NCAM1: variants seen among roughly 807,000 people sequenced by gnomAD.
NCAM1 encodes antigen recognized by monoclonal antibody 5.1H11.
A neutral mutation model predicts 109.8 loss-of-function variants in NCAM1; 14 were observed. The ratio of observed to expected loss-of-function variants is 0.13; its 90% confidence interval spans 0.08 to 0.20. The LOEUF is 0.20. Ranked by LOEUF, NCAM1 falls within the 10% of genes least tolerant of loss-of-function variation. The pLI is 1.00. For synonymous variants in NCAM1, 418 were observed against 442.9 expected (o/e 0.94, Z 0.70); for missense variants, 774 against 1,109.9 (o/e 0.70, Z 4.30).
Position 113,240,880 on chromosome 11 carries a change from C to T in NCAM1, c.1826-5488C>T, listed in dbSNP as rs782210223. The T allele has an allele frequency of 7.7e-6, 12 of 1,566,738 alleles. No individual in the cohort carries two copies. The African/African-American group carries it at 1.5e-4, about 19-fold the overall frequency. ...CATCTCTCTGCAGGTCACTTTCCAC[C>T]AGCCACAGTTTGTTTTGCCTAATGT... On this transcript the variant is annotated intron_variant, in intron 14 of 19. Transcript: ENST00000316851.
At chr11:113,243,604 TG>T (rs782687570) in intron 14 of NCAM1, 1 of 518,790 alleles carries the variant, frequency 1.9e-6, no homozygotes, top group South Asian at 1.4e-5. Context: ...GTCTTCATAA[TG>T]CTCTAATGAA....
intron 14 of NCAM1, chr11:113,240,957 G>A (rs1945307766): frequency 3.0e-6 from 3 of 987,228 alleles, no homozygotes; most frequent in African/African-American, 3.2e-5. Flanking sequence ...AGCAGCGTCG[G>A]GTTTTAGAGG....
intron 1 of NCAM1, among the ~76,000 whole-genome samples, chr11:113,139,817 A>G (rs1043778933): frequency 3.9e-5 from 6 of 152,222 alleles, no homozygotes; most frequent in African/African-American, 1.4e-4. Context: ...AATTATTTGG[A>G]AAATTGATAG....
rs541049098 is a variant in NCAM1, at chr11:113,122,152, T to C, written c.53-80227T>C. ...CTTGCCTTCAGATCCCATCCCCTCCTGTTCAATCTCTAGGTCCTTTTGCAG... is the reference window on the plus strand; with the variant it reads ...CTTGCCTTCAGATCCCATCCCCTCCCGTTCAATCTCTAGGTCCTTTTGCAG... On this transcript the variant is annotated intron_variant, in intron 1 of 19. Coordinates refer to ENST00000316851, the MANE Select transcript of NCAM1 (RefSeq NM_181351.5). Among the ~76,000 whole-genome samples, 382 of 152,338 alleles carry C rather than the reference T, an allele frequency of 2.5e-3. 1 individual carries two copies. The highest frequency in any genetic ancestry group is 3.5e-3 in the Admixed American group (54 of 15,312).
chr11:113,136,324 T>C (rs781967372), intron 1 of NCAM1, among the ~76,000 whole-genome samples: 1 of 152,162 alleles, frequency 6.6e-6, no homozygotes, highest in Non-Finnish European at 1.5e-5. Context: ...TTGGGAATTA[T>C]AAATGAGTTA....
chr11:113,208,190 G>A (rs543789338), intron 7 of NCAM1, among the ~76,000 whole-genome samples, 188 bp downstream of exon 7: 2 of 152,078 alleles, frequency 1.3e-5, no homozygotes, highest in East Asian at 3.9e-4. Flanking sequence ...GCAGTGGGAC[G>A]GTCTCATAGC....
At chr11:113,263,259 T>C (rs1591470589) in intron 17 of NCAM1, 2 of 1,042,346 alleles carry the variant, frequency 1.9e-6, no homozygotes, top group East Asian at 1.6e-4. Flanking sequence ...CATTTTGGGT[T>C]CAAACCTAAA....
intron 1 of NCAM1, among the ~76,000 whole-genome samples, chr11:112,995,539 T>C (rs901284086): frequency 9.2e-5 from 14 of 152,204 alleles, no homozygotes; most frequent in Admixed American, 7.2e-4. Context: ...GTTGATATTA[T>C]GTAGGAATAG....
At chr11:113,036,713 C>T (rs1480448775) in intron 1 of NCAM1, among the ~76,000 whole-genome samples, 2 of 152,114 alleles carry the variant, frequency 1.3e-5, no homozygotes, top group Admixed American at 6.5e-5. Flanking sequence ...TCTCACTATC[C>T]TTGCAAACCA....
intron 1 of NCAM1, among the ~76,000 whole-genome samples, chr11:113,158,837 A>T (rs1555103857): frequency 6.6e-6 from 1 of 152,216 alleles, no homozygotes; most frequent in East Asian, 1.9e-4. Flanking sequence ...TGTTGAGGGT[A>T]TATTTTTGCT....
At chr11:113,192,047 T>C (rs148280067) in intron 1 of NCAM1, among the ~76,000 whole-genome samples, 3 of 152,332 alleles carry the variant, frequency 2.0e-5, no homozygotes, top group East Asian at 3.9e-4. Context: ...TGGACAAATA[T>C]TGAAAGATAT....
intron 1 of NCAM1, among the ~76,000 whole-genome samples, chr11:113,037,508 G>A (rs192657815): frequency 2.0e-5 from 3 of 152,162 alleles, no homozygotes; most frequent in Non-Finnish European, 2.9e-5. Context: ...CGTCTTAGCT[G>A]CAGAGACCCC....
At chr11:113,225,172 T>A (rs1944805927) in intron 9 of NCAM1, among the ~76,000 whole-genome samples, 1 of 151,980 alleles carries the variant, frequency 6.6e-6, no homozygotes, top group Non-Finnish European at 1.5e-5. Context: ...GGCAAAGAAG[T>A]CAAAAACCTT....
intron 2 of NCAM1, 73 bp downstream of exon 2, chr11:113,202,526 G>A: frequency 7.4e-7 from 1 of 1,351,396 alleles, no homozygotes. Context: ...GAGCCCTCAG[G>A]CCATGTGAGC....
intron 1 of NCAM1, among the ~76,000 whole-genome samples, chr11:113,045,543 G>A (rs782481705): frequency 2.0e-5 from 3 of 152,158 alleles, no homozygotes; most frequent in African/African-American, 4.8e-5. Flanking sequence ...GATCACGCAC[G>A]CCGTGACTAC....
chr11:113,159,681 G>T (rs1416309826), intron 1 of NCAM1, among the ~76,000 whole-genome samples: 1 of 151,954 alleles, frequency 6.6e-6, no homozygotes, highest in Non-Finnish European at 1.5e-5. Context: ...AAGCAAAAGG[G>T]GTGGTTCATC....
chr11:113,031,195 A>C lies in NCAM1; in HGVS notation c.52+69531A>C, dbSNP rs552281973. On this transcript the variant is annotated intron_variant, in intron 1 of 19. Transcript: ENST00000316851. ...TAATATTTATTTTTGATTAGTTAAA[A>C]TTGAACTCATGGCCGTCAGCATGAC... Among the ~76,000 whole-genome samples the C allele has an allele frequency of 2.6e-5, 4 of 152,324 alleles. No homozygotes were observed. The South Asian group carries it at 6.2e-4, about 24-fold the overall frequency.
chr11:113,224,659 G>A (rs1003440634), intron 9 of NCAM1, among the ~76,000 whole-genome samples: 1 of 152,222 alleles, frequency 6.6e-6, no homozygotes, highest in Admixed American at 6.5e-5. Context: ...TGACCCCCGA[G>A]TAGCCTAACT....
At chr11:113,235,743 G>A (rs1333155346) in intron 14 of NCAM1, among the ~76,000 whole-genome samples, 1 of 152,150 alleles carries the variant, frequency 6.6e-6, no homozygotes, top group African/African-American at 2.4e-5. Flanking sequence ...ATTCCTCACG[G>A]CCTCTTTCAA....
Sources: allele counts gnomAD v4.1 joint callset (sites outside exome capture counted in the v4.1 genomes callset), GRCh38; gene constraint gnomAD v4.1.1; transcripts MANE v1.5; gene names NCBI Gene and HGNC (gene_info 2026-07-23, HGNC 2026-07-21).